Variants in ERBB4 observed in about 807,000 individuals in gnomAD.
ERBB4 encodes receptor tyrosine-protein kinase erbB-4.
Under a neutral mutation model 158.0 loss-of-function variants are expected in ERBB4, and 42 were observed. The observed-to-expected ratio is 0.27, with a 90% confidence interval of 0.21 to 0.34. ERBB4 has a LOEUF of 0.34. Ranked by LOEUF, ERBB4 falls within the 10% of genes least tolerant of loss-of-function variation. ERBB4 has a pLI of 1.00. For synonymous variants in ERBB4, 583 were observed against 558.7 expected (o/e 1.04, Z -0.61); for missense variants, 1,333 against 1,624.1 (o/e 0.82, Z 3.08).
chr2:212,510,993 A>C (rs912778831), intron 1 of ERBB4, among the ~76,000 whole-genome samples: 6 of 152,124 alleles, frequency 3.9e-5, no homozygotes, highest in African/African-American at 1.2e-4. Context: ...ATATGACCCC[A>C]AAAATGGAAT....
intron 19 of ERBB4, among the ~76,000 whole-genome samples, chr2:211,592,279 G>C (rs1351730414): frequency 6.6e-6 from 1 of 152,086 alleles, no homozygotes; most frequent in Admixed American, 6.6e-5. Context: ...ATTCTTGAAC[G>C]TGCTGGGAGT....
chr2:212,166,384 T>G (rs751524220), intron 1 of ERBB4, among the ~76,000 whole-genome samples: 1 of 152,084 alleles, frequency 6.6e-6, no homozygotes, highest in Non-Finnish European at 1.5e-5. Flanking sequence ...ATAACCTATT[T>G]GTTTAGTATT....
At chr2:212,169,242 A>T (rs1041210848) in intron 1 of ERBB4, among the ~76,000 whole-genome samples, 5 of 152,162 alleles carry the variant, frequency 3.3e-5, no homozygotes, top group Non-Finnish European at 5.9e-5. Context: ...ATAAAGATAC[A>T]TTCCTCACAA....
In ERBB4 at chr2:212,111,498, A is replaced by C. The variant is rs145121351; in HGVS notation, c.234+13254T>G. On this transcript the variant is annotated intron_variant, in intron 2 of 27. Transcript: ENST00000342788. ...ACATTTCACAATTTTGTTGCATCTT[A>C]TCTCTTTCCCCCTATGCTATGGTAA... Among the ~76,000 whole-genome samples the C allele has an allele frequency of 6.8e-4, 103 of 152,208 alleles. 2 individuals are homozygous for C. The highest frequency in any genetic ancestry group is 1.3e-3 in the Non-Finnish European group (89 of 68,006).
intron 19 of ERBB4, among the ~76,000 whole-genome samples, chr2:211,618,116 T>A (rs918235374): frequency 1.3e-5 from 2 of 152,016 alleles, no homozygotes; most frequent in Non-Finnish European, 2.9e-5. Context: ...AGTCTTTTCT[T>A]CTGAATTTGA....
At chr2:211,862,857 C>G (rs371940436) in intron 3 of ERBB4, among the ~76,000 whole-genome samples, 2 of 152,128 alleles carry the variant, frequency 1.3e-5, no homozygotes, top group African/African-American at 2.4e-5. Context: ...GTGGGGACTT[C>G]GAGAACTTTT....
intron 1 of ERBB4, among the ~76,000 whole-genome samples, chr2:212,204,826 T>A (rs1274053592): frequency 2.0e-5 from 3 of 150,498 alleles, no homozygotes; most frequent in African/African-American, 7.3e-5. Flanking sequence ...CTTTTTTTTT[T>A]TTTTTTTTTG....
At chr2:212,206,586 G>GTTTTTTTTTTTTTT (rs1393759656) in intron 1 of ERBB4, among the ~76,000 whole-genome samples, 2 of 66,762 alleles carry the variant, frequency 3.0e-5, no homozygotes, top group Non-Finnish European at 6.5e-5. Flanking sequence ...CGTCTGTTCT[G>GTTTTTTTTTTTTTT]TTCTTTTTTT....
chr2:212,524,082 T>C (rs1046555384), intron 1 of ERBB4, among the ~76,000 whole-genome samples: 8 of 152,000 alleles, frequency 5.3e-5, no homozygotes, highest in Non-Finnish European at 7.4e-5. Flanking sequence ...GCCTCCTCTT[T>C]TCCATGCCTG....
chr2:212,192,833 T>TGAGGACC (rs1220070503), intron 1 of ERBB4, among the ~76,000 whole-genome samples: 1 of 134,140 alleles, frequency 7.5e-6, no homozygotes, highest in Admixed American at 7.0e-5. Flanking sequence ...CCAGTTACAC[T>TGAGGACC]GAGGACCGAT....
At chr2:211,710,191 A>G (rs760088056) in intron 9 of ERBB4, among the ~76,000 whole-genome samples, 79 of 152,108 alleles carry the variant, frequency 5.2e-4, no homozygotes, top group Non-Finnish European at 6.9e-4. Flanking sequence ...AAGGATAAAA[A>G]CCACTTGTCT....
intron 1 of ERBB4, among the ~76,000 whole-genome samples, chr2:212,204,058 A>G (rs964029408): frequency 6.6e-6 from 1 of 152,210 alleles, no homozygotes; most frequent in African/African-American, 2.4e-5. Flanking sequence ...AAAACATTAA[A>G]TCACTTTAAT....
At chr2:211,763,821 C>T (rs2075477206) in intron 4 of ERBB4, among the ~76,000 whole-genome samples, 2 of 151,938 alleles carry the variant, frequency 1.3e-5, no homozygotes, top group African/African-American at 2.4e-5. Flanking sequence ...GCCCAAGACT[C>T]ATCGTATGTT....
chr2:212,492,176 G>C (rs1358295176), intron 1 of ERBB4, among the ~76,000 whole-genome samples: 2 of 151,488 alleles, frequency 1.3e-5, no homozygotes, highest in East Asian at 3.9e-4. Context: ...TATGAAATTG[G>C]ATAGGATGTT....
intron 1 of ERBB4, among the ~76,000 whole-genome samples, chr2:212,525,773 C>A (rs2106327663): frequency 6.6e-6 from 1 of 152,060 alleles, no homozygotes; most frequent in Non-Finnish European, 1.5e-5. Flanking sequence ...AAGCAACTTC[C>A]TGATTATTAC....
intron 2 of ERBB4, among the ~76,000 whole-genome samples, chr2:212,074,619 G>A (rs567946283): frequency 6.6e-6 from 1 of 151,900 alleles, no homozygotes; most frequent in African/African-American, 2.4e-5. Context: ...GCAACCTGGG[G>A]AGACAATGGT....
intron 12 of ERBB4, among the ~76,000 whole-genome samples, chr2:211,680,230 C>T (rs1054366079): frequency 2.0e-5 from 3 of 152,048 alleles, no homozygotes; most frequent in Non-Finnish European, 2.9e-5. Context: ...GGCTAACCAT[C>T]TTTGTTTCCC....
At chr2:211,925,974 A>T (rs930513905) in intron 3 of ERBB4, among the ~76,000 whole-genome samples, 1 of 152,158 alleles carries the variant, frequency 6.6e-6, no homozygotes, top group Non-Finnish European at 1.5e-5. Context: ...ATGCAGTAGT[A>T]AGAAATTTCA....
chr2:212,341,652 G>A (rs1039610353), intron 1 of ERBB4, among the ~76,000 whole-genome samples: 2 of 152,112 alleles, frequency 1.3e-5, no homozygotes, highest in African/African-American at 4.8e-5. Flanking sequence ...CCTAATATAT[G>A]TCCCATAAAA....
Sources: allele counts gnomAD v4.1 joint callset (sites outside exome capture counted in the v4.1 genomes callset), GRCh38; gene constraint gnomAD v4.1.1; transcripts MANE v1.5; gene names NCBI Gene and HGNC (gene_info 2026-07-23, HGNC 2026-07-21).